DTWD2: variants seen among roughly 807,000 people sequenced by gnomAD.
The protein encoded by DTWD2 is tRNA-uridine aminocarboxypropyltransferase 2.
A neutral mutation model predicts 31.8 loss-of-function variants in DTWD2; 39 were observed. The observed-to-expected ratio is 1.22, with a 90% CI of 0.95 to 1.60. The LOEUF (loss-of-function observed/expected upper bound fraction) is 1.60. DTWD2 is among the 40% of genes most tolerant of loss of function. The pLI, the probability that DTWD2 is intolerant of heterozygous loss-of-function variation, is 0.00. For missense variants in DTWD2, 515 were observed against 381.5 expected (o/e 1.35, Z -2.92); for synonymous variants, 180 against 142.8 (o/e 1.26, Z -1.86).
At chr5:118,926,412 A>T (rs1406287969) in intron 4 of DTWD2, among the ~76,000 whole-genome samples, 1 of 152,166 alleles carries the variant, frequency 6.6e-6, no homozygotes, top group Non-Finnish European at 1.5e-5. Context: ...GGAGGTGAGG[A>T]GTAAAACACT....
intron 3 of DTWD2, among the ~76,000 whole-genome samples, chr5:118,929,575 C>T (rs1227656416): frequency 2.0e-5 from 3 of 152,016 alleles, no homozygotes; most frequent in African/African-American, 7.2e-5. Flanking sequence ...GGGGACTGCC[C>T]GATTCACAAA....
rs779261102 is a variant in DTWD2 at position 118,988,517 on chromosome 5, A to G, written c.-6T>C. On this transcript the variant is annotated 5_prime_UTR_variant, in exon 1 of 6. Coordinates refer to ENST00000510708, the MANE Select transcript of DTWD2 (RefSeq NM_173666.4). Reference sequence around the variant, plus strand: ...GCCTCTTTCTGCGACTCCATGGCGGACACTCCGGTCAGGCCGTGGCATTGA... The same window carrying G: ...GCCTCTTTCTGCGACTCCATGGCGGGCACTCCGGTCAGGCCGTGGCATTGA... 1.3e-6 allele frequency: 2 copies of G among 1,548,524 alleles called. No individual in the cohort carries two copies. Among genetic ancestry groups the G allele is most frequent in the Non-Finnish European group, 1.7e-6 (2 of 1,150,472 alleles).
At chr5:118,975,312 G>A (rs150647202) in intron 1 of DTWD2, among the ~76,000 whole-genome samples, 2,207 of 151,974 alleles carry the variant, frequency 0.015, 58 homozygotes, top group African/African-American at 0.048. Flanking sequence ...CCGCTTGATC[G>A]ATTTGGCTAC....
chr5:118,915,233 T>G (rs939828750), intron 4 of DTWD2, among the ~76,000 whole-genome samples: 4 of 152,070 alleles, frequency 2.6e-5, no homozygotes, highest in African/African-American at 4.8e-5. Context: ...ACATATATTT[T>G]TCTTAATATG....
chr5:118,891,181 G>A (rs1752970832), intron 4 of DTWD2, among the ~76,000 whole-genome samples: 1 of 150,866 alleles, frequency 6.6e-6, no homozygotes. Context: ...AAATCCATAA[G>A]AAAATTATCC....
intron 4 of DTWD2, among the ~76,000 whole-genome samples, chr5:118,884,040 C>G (rs907636477): frequency 1.1e-4 from 17 of 152,070 alleles, no homozygotes; most frequent in Admixed American, 1.0e-3. Flanking sequence ...TACAATTTTG[C>G]AGTTACTAGA....
Position 118,964,656 on chromosome 5 carries a change from G to A in DTWD2, c.219-20007C>T, listed in dbSNP as rs184459832. Among the ~76,000 whole-genome samples, 40 of 152,350 alleles carry A rather than the reference G, an allele frequency of 2.6e-4. No homozygotes were observed. In the East Asian group the frequency reaches 4.4e-3, roughly 17 times the overall value. ...GGGGTTTCGCTGTGTTGGCCGGGCT[G>A]GTCTCCAGCTCCTAACCACGAATGA... On this transcript the variant is annotated intron_variant, in intron 1 of 5. Transcript: ENST00000510708.
intron 1 of DTWD2, among the ~76,000 whole-genome samples, chr5:118,958,487 C>A (rs1754638453): frequency 6.8e-6 from 1 of 147,386 alleles, no homozygotes; most frequent in African/African-American, 2.5e-5. Context: ...ACAACAACAA[C>A]AAAAGACCAC....
intron 4 of DTWD2, among the ~76,000 whole-genome samples, chr5:118,913,383 T>C (rs1189986446): frequency 6.9e-6 from 1 of 145,422 alleles, no homozygotes; most frequent in Admixed American, 7.0e-5. Flanking sequence ...CATAATCACA[T>C]GAACCATATA....
At chr5:118,903,123 TAATATTC>T in intron 4 of DTWD2, among the ~76,000 whole-genome samples, 1 of 149,598 alleles carries the variant, frequency 6.7e-6, no homozygotes, top group East Asian at 1.9e-4. Flanking sequence ...ATTTGTTTAT[TAATATTC>T]ATTGTGCTAA....
intron 1 of DTWD2, among the ~76,000 whole-genome samples, chr5:118,961,869 T>C (rs1226065774): frequency 2.0e-5 from 3 of 152,152 alleles, no homozygotes; most frequent in Non-Finnish European, 2.9e-5. Flanking sequence ...AGAAAATATA[T>C]TGATTTAGGT....
At chr5:118,979,707 G>A (rs1449416378) in intron 1 of DTWD2, among the ~76,000 whole-genome samples, 1 of 152,246 alleles carries the variant, frequency 6.6e-6, no homozygotes, top group African/African-American at 2.4e-5. Context: ...CAGGGACATG[G>A]ATGAAGCTGG....
At chr5:118,933,631 A>G (rs1454995559) in intron 3 of DTWD2, among the ~76,000 whole-genome samples, 1 of 152,146 alleles carries the variant, frequency 6.6e-6, no homozygotes, top group Admixed American at 6.5e-5. Context: ...TCCACAAACT[A>G]GGAATAGGGG....
At chr5:118,847,926 G>C (rs187081780) in intron 5 of DTWD2, among the ~76,000 whole-genome samples, 164 bp downstream of exon 5, 4 of 136,910 alleles carry the variant, frequency 2.9e-5, no homozygotes, top group Admixed American at 2.8e-4. Flanking sequence ...CACACACACA[G>C]AAAAACACCA....
intron 4 of DTWD2, among the ~76,000 whole-genome samples, chr5:118,911,788 C>T (rs1474606142): frequency 6.6e-6 from 1 of 152,202 alleles, no homozygotes; most frequent in African/African-American, 2.4e-5. Flanking sequence ...ACCCAATCTT[C>T]GTCCAGCTAT....
At chr5:118,923,614 G>C (rs1753751156) in intron 4 of DTWD2, among the ~76,000 whole-genome samples, 1 of 152,150 alleles carries the variant, frequency 6.6e-6, no homozygotes, top group South Asian at 2.1e-4. Context: ...CATTCTCTTT[G>C]ACCTTCAGGC....
At chr5:118,941,184 A>T (rs761492017) in intron 2 of DTWD2, among the ~76,000 whole-genome samples, 50 of 151,802 alleles carry the variant, frequency 3.3e-4, no homozygotes, top group Non-Finnish European at 6.6e-4. Flanking sequence ...TTATATATAT[A>T]TTTTTATTAT....
At chr5:118,865,078 A>T (rs1752353926) in intron 4 of DTWD2, among the ~76,000 whole-genome samples, 1 of 152,142 alleles carries the variant, frequency 6.6e-6, no homozygotes, top group South Asian at 2.1e-4. Flanking sequence ...CAATCTCATG[A>T]CTAATTATTT....
intron 3 of DTWD2, among the ~76,000 whole-genome samples, chr5:118,929,281 A>G (rs1753872841): frequency 6.6e-6 from 1 of 152,192 alleles, no homozygotes; most frequent in Admixed American, 6.5e-5. Context: ...ATGAACCCTA[A>G]CCTATCTTAA....
Sources: gnomAD v4.1 joint callset for allele counts (sites outside exome capture counted in the v4.1 genomes callset) on GRCh38, gnomAD v4.1.1 for gene constraint, MANE v1.5 for transcripts, NCBI Gene and HGNC (gene_info 2026-07-23, HGNC 2026-07-21) for gene names.